Variants in TAF13 observed in about 807,000 individuals in gnomAD.
TAF13 encodes transcription initiation factor TFIID subunit 13.
TAF13 carries 9 observed loss-of-function variants against 18.7 expected under a neutral mutation model. That is an observed-to-expected ratio of 0.48 (90% confidence interval 0.29 to 0.84). TAF13 has a LOEUF of 0.84. Ranked by LOEUF, TAF13 falls within the 40% of genes least tolerant of loss-of-function variation. The pLI is 0.08. For missense variants in TAF13, 105 were observed against 146.5 expected (o/e 0.72, Z 1.46); for synonymous variants, 49 against 44.1 (o/e 1.11, Z -0.44).
At chr1:109,072,053 T>C (rs927166464) in intron 2 of TAF13, among the ~76,000 whole-genome samples, 5 of 4,442 alleles carry the variant, frequency 1.1e-3, no homozygotes, top group African/African-American at 4.0e-3. Flanking sequence ...TACACACACA[T>C]ATATATATAT....
intron 2 of TAF13, among the ~76,000 whole-genome samples, chr1:109,067,028 T>C (rs1357134098): frequency 1.3e-5 from 2 of 152,044 alleles, no homozygotes; most frequent in African/African-American, 4.8e-5. Context: ...CCCAAATCTG[T>C]TCTTATAGGA....
At chr1:109,074,229 T>C (rs1034848103) in intron 2 of TAF13, among the ~76,000 whole-genome samples, 1 of 152,248 alleles carries the variant, frequency 6.6e-6, no homozygotes, top group Non-Finnish European at 1.5e-5. Context: ...TGTTCTGTAC[T>C]AAGAAAAATT....
intron 2 of TAF13, among the ~76,000 whole-genome samples, chr1:109,067,034 T>C (rs1377242223): frequency 2.6e-5 from 4 of 152,022 alleles, no homozygotes; most frequent in Admixed American, 6.6e-5. Flanking sequence ...TCTGTTCTTA[T>C]AGGAAGAAAC....
chr1:109,066,437 A>C (rs868426421), intron 2 of TAF13, among the ~76,000 whole-genome samples: 1 of 151,984 alleles, frequency 6.6e-6, no homozygotes, highest in Non-Finnish European at 1.5e-5. Flanking sequence ...CGTAGCCTCC[A>C]GCAAAACTCT....
intron 2 of TAF13, among the ~76,000 whole-genome samples, chr1:109,071,456 A>AAT (rs983248612): frequency 6.6e-6 from 1 of 151,522 alleles, no homozygotes; most frequent in African/African-American, 2.4e-5. Flanking sequence ...AAAAAAAAAA[A>AAT]AAAATTAGCT....
intron 2 of TAF13, 51 bp downstream of exon 2, chr1:109,074,936 G>A: frequency 7.2e-7 from 1 of 1,394,180 alleles, no homozygotes; most frequent in Non-Finnish European, 9.9e-7. Flanking sequence ...GAAAGGACAT[G>A]TCCAAAAGTT....
chr1:109,073,876 G>A (rs1454670440), intron 2 of TAF13, among the ~76,000 whole-genome samples: 3 of 151,928 alleles, frequency 2.0e-5, no homozygotes, highest in Non-Finnish European at 4.4e-5. Context: ...CGTCTGGGAT[G>A]TGAGGAGCGC....
At chr1:109,066,419 T>A (rs144013135) in intron 2 of TAF13, among the ~76,000 whole-genome samples, 187 bp from the exon 3 acceptor site, 59 of 152,310 alleles carry the variant, frequency 3.9e-4, no homozygotes, top group African/African-American at 1.2e-3. Flanking sequence ...GATGACCAAC[T>A]GTTCCCACGT....
At chr1:109,072,121 C>CATATAT (rs1206553272) in intron 2 of TAF13, among the ~76,000 whole-genome samples, 2 of 4,690 alleles carry the variant, frequency 4.3e-4, no homozygotes, top group African/African-American at 8.0e-4. Flanking sequence ...TATATACACA[C>CATATAT]ATATATATAT....
At chr1:109,070,261 C>A (rs192535407) in intron 2 of TAF13, among the ~76,000 whole-genome samples, 1 of 152,258 alleles carries the variant, frequency 6.6e-6, no homozygotes, top group Admixed American at 6.5e-5. Context: ...TCTCTGTCAC[C>A]AGGCTGGAGT....
chr1:109,071,931 A>C (rs1664061332), intron 2 of TAF13, among the ~76,000 whole-genome samples: 1 of 146,994 alleles, frequency 6.8e-6, no homozygotes. Flanking sequence ...CAGACTGACA[A>C]CAGTGAGACT....
chr1:109,068,283 C>T (rs1663985973), intron 2 of TAF13, among the ~76,000 whole-genome samples: 1 of 152,132 alleles, frequency 6.6e-6, no homozygotes, highest in African/African-American at 2.4e-5. Context: ...TACAGCCATG[C>T]GCTACCACAC....
At chr1:109,074,242 T>C (rs960499927) in intron 2 of TAF13, among the ~76,000 whole-genome samples, 7 of 152,232 alleles carry the variant, frequency 4.6e-5, no homozygotes, top group Admixed American at 3.9e-4. Context: ...GAAAAATTCT[T>C]CTGCCTTGGG....
At chr1:109,071,651 A>C (rs1401900400) in intron 2 of TAF13, among the ~76,000 whole-genome samples, 1 of 151,480 alleles carries the variant, frequency 6.6e-6, no homozygotes, top group East Asian at 2.0e-4. Flanking sequence ...AATTTTTCTT[A>C]AAAAAGATAC....
At chr1:109,065,508 C>A (rs112262282) in intron 3 of TAF13, among the ~76,000 whole-genome samples, 13,010 of 146,542 alleles carry the variant, frequency 0.089, 756 homozygotes, top group African/African-American at 0.17. Context: ...CACACACACA[C>A]AAAAAATTGC....
intron 3 of TAF13, among the ~76,000 whole-genome samples, chr1:109,065,000 T>G (rs1663929303): frequency 6.6e-6 from 1 of 152,138 alleles, no homozygotes; most frequent in Non-Finnish European, 1.5e-5. Flanking sequence ...ATAAAATAAT[T>G]TTATAATTTT....
intron 2 of TAF13, among the ~76,000 whole-genome samples, chr1:109,073,101 C>T (rs1664104016): frequency 6.6e-6 from 1 of 152,064 alleles, no homozygotes; most frequent in African/African-American, 2.4e-5. Context: ...TTGCTACTCT[C>T]CCTCAACACC....
At chr1:109,073,497 T>TGCCTGACTACAGGCGTGCGCCGCCAC (rs1219750531) in intron 2 of TAF13, among the ~76,000 whole-genome samples, 4 of 152,276 alleles carry the variant, frequency 2.6e-5, no homozygotes, top group African/African-American at 2.4e-5. Flanking sequence ...GCAGCCTCCC[T>TGCCTGACTACAGGCGTGCGCCGCCAC]GCCTGACTAC....
At chr1:109,069,381 G>A (rs1175476636) in intron 2 of TAF13, among the ~76,000 whole-genome samples, 2 of 152,070 alleles carry the variant, frequency 1.3e-5, no homozygotes, top group Non-Finnish European at 2.9e-5. Context: ...TCATCTCTAG[G>A]TTACTTACAA....
Sources: allele counts gnomAD v4.1 joint callset (sites outside exome capture counted in the v4.1 genomes callset), GRCh38; gene constraint gnomAD v4.1.1; transcripts MANE v1.5; gene names NCBI Gene and HGNC (gene_info 2026-07-23, HGNC 2026-07-21).